Variants in CAMK2D observed in about 807,000 individuals in gnomAD.
The protein encoded by CAMK2D is calcium/calmodulin-dependent protein kinase type II subunit delta.
A neutral mutation model predicts 84.0 loss-of-function variants in CAMK2D; 37 were observed. The ratio of observed to expected loss-of-function variants is 0.44; its 90% CI spans 0.34 to 0.58. The LOEUF (loss-of-function observed/expected upper bound fraction) is 0.58, where lower values mean the gene tolerates loss of function less well. Ranked by LOEUF, CAMK2D falls within the 20% of genes least tolerant of loss-of-function variation. The pLI, the probability that CAMK2D is intolerant of heterozygous loss-of-function variation, is 0.02. For synonymous variants in CAMK2D, 202 were observed against 212.5 expected (o/e 0.95, Z 0.43); for missense variants, 448 against 652.5 (o/e 0.69, Z 3.41).
At chr4:113,741,124 T>A (rs1225307855) in intron 2 of CAMK2D, among the ~76,000 whole-genome samples, 1 of 152,080 alleles carries the variant, frequency 6.6e-6, no homozygotes, top group Non-Finnish European at 1.5e-5. Flanking sequence ...AACCATTATT[T>A]TACTTAGTAA....
intron 2 of CAMK2D, among the ~76,000 whole-genome samples, chr4:113,663,815 C>T (rs9307396): frequency 0.06 from 9,112 of 151,646 alleles, 805 homozygotes; most frequent in African/African-American, 0.19. Context: ...AGAGTTTTTG[C>T]TATAGAGATA....
chr4:113,756,142 G>A (rs1316009045), intron 2 of CAMK2D, among the ~76,000 whole-genome samples: 1 of 151,942 alleles, frequency 6.6e-6, no homozygotes, highest in Non-Finnish European at 1.5e-5. Context: ...CAGCTGAGAG[G>A]AAATACAACT....
chr4:113,515,593 C>T (rs953699537), intron 9 of CAMK2D, among the ~76,000 whole-genome samples: 1 of 152,116 alleles, frequency 6.6e-6, no homozygotes, highest in Non-Finnish European at 1.5e-5. Flanking sequence ...GCTACATGTA[C>T]CAATGTCATC....
At chr4:113,731,550 C>A (rs184422014) in intron 2 of CAMK2D, among the ~76,000 whole-genome samples, 52 of 149,626 alleles carry the variant, frequency 3.5e-4, no homozygotes, top group Admixed American at 6.0e-4. Context: ...AAAAACACTT[C>A]AAAGTATAAA....
At chr4:113,648,565 C>T (rs1035391560) in intron 3 of CAMK2D, among the ~76,000 whole-genome samples, 2 of 152,138 alleles carry the variant, frequency 1.3e-5, no homozygotes, top group Non-Finnish European at 2.9e-5. Context: ...CACAAGGGAC[C>T]GGTAAGAAGT....
intron 3 of CAMK2D, among the ~76,000 whole-genome samples, chr4:113,640,438 T>C (rs1428732345): frequency 6.6e-6 from 1 of 152,134 alleles, no homozygotes; most frequent in East Asian, 1.9e-4. Context: ...ACTCATATGG[T>C]TTCCTGGGCC....
intron 4 of CAMK2D, among the ~76,000 whole-genome samples, chr4:113,561,791 G>C (rs1190883467): frequency 6.6e-6 from 1 of 152,212 alleles, no homozygotes; most frequent in Admixed American, 6.5e-5. Context: ...TTTGTCAGTA[G>C]CTAAGAAGTG....
rs116200365 is a variant in CAMK2D at position 113,592,055 on chromosome 4, T to G, written c.275+17097A>C. ...TAGTACTTAATAAGTATTCATTGAA[T>G]GAATGTATTATAATAGCAAATCTAT... On this transcript the variant is annotated intron_variant, in intron 4 of 20. Transcript: ENST00000511664. Among the ~76,000 whole-genome samples, 1,046 of 152,312 alleles carry G rather than the reference T, an allele frequency of 6.9e-3. 13 individuals carry two copies. Among genetic ancestry groups the G allele is most frequent in the African/African-American group, 0.024 (977 of 41,548 alleles).
At chr4:113,544,211 C>A (rs888013478) in intron 6 of CAMK2D, among the ~76,000 whole-genome samples, 1 of 152,124 alleles carries the variant, frequency 6.6e-6, no homozygotes, top group Non-Finnish European at 1.5e-5. Flanking sequence ...GATTGTACTG[C>A]CCCCTACTCT....
chr4:113,584,653 C>T (rs1006929346), intron 4 of CAMK2D, among the ~76,000 whole-genome samples: 8 of 152,032 alleles, frequency 5.3e-5, no homozygotes, highest in African/African-American at 1.9e-4. Flanking sequence ...TTACAAATTC[C>T]AGAGAAGGGG....
At chr4:113,684,452 G>C (rs143893445) in intron 2 of CAMK2D, among the ~76,000 whole-genome samples, 1 of 152,148 alleles carries the variant, frequency 6.6e-6, no homozygotes, top group Non-Finnish European at 1.5e-5. Context: ...TGTATGTACT[G>C]TATGTATAAT....
chr4:113,553,503 T>G (rs1185399797), intron 4 of CAMK2D, among the ~76,000 whole-genome samples: 2 of 152,218 alleles, frequency 1.3e-5, no homozygotes, highest in African/African-American at 4.8e-5. Context: ...GGATAGCATG[T>G]TTTAGAGATC....
At chr4:113,637,696 T>C (rs990587837) in intron 3 of CAMK2D, among the ~76,000 whole-genome samples, 2 of 152,152 alleles carry the variant, frequency 1.3e-5, no homozygotes, top group African/African-American at 2.4e-5. Context: ...TAAACTTGGA[T>C]GTAAATTTCT....
At chr4:113,709,279 C>A (rs2154353396) in intron 2 of CAMK2D, among the ~76,000 whole-genome samples, 1 of 151,882 alleles carries the variant, frequency 6.6e-6, no homozygotes, top group East Asian at 1.9e-4. Context: ...AAATGTTTTT[C>A]TCAATTCCAG....
chr4:113,703,412 C>T (rs1464829718), intron 2 of CAMK2D, among the ~76,000 whole-genome samples: 1 of 152,182 alleles, frequency 6.6e-6, no homozygotes, highest in Non-Finnish European at 1.5e-5. Context: ...GAAGCTTTGA[C>T]TGGCCCAAAC....
At chr4:113,738,649 A>G (rs1438354940) in intron 2 of CAMK2D, among the ~76,000 whole-genome samples, 2 of 152,146 alleles carry the variant, frequency 1.3e-5, no homozygotes, top group African/African-American at 2.4e-5. Flanking sequence ...ATATATGTAT[A>G]TATCTCCATA....
intron 2 of CAMK2D, among the ~76,000 whole-genome samples, chr4:113,675,661 A>C (rs1049061115): frequency 6.6e-6 from 1 of 152,220 alleles, no homozygotes; most frequent in Non-Finnish European, 1.5e-5. Flanking sequence ...GAAAAAAAAA[A>C]CATGCGACTA....
At chr4:113,679,444 G>A in intron 2 of CAMK2D, 2 of 979,672 alleles carry the variant, frequency 2.0e-6, no homozygotes, top group Non-Finnish European at 2.4e-6. Flanking sequence ...TTCTTCCCTA[G>A]ATGTCCATCA....
intron 4 of CAMK2D, among the ~76,000 whole-genome samples, chr4:113,591,434 C>T (rs576232105): frequency 8.5e-5 from 13 of 152,292 alleles, no homozygotes; most frequent in African/African-American, 2.6e-4. Context: ...CCTTTAATTA[C>T]TCTCTAAACT....
Sources: gnomAD v4.1 joint callset for allele counts (sites outside exome capture counted in the v4.1 genomes callset) on GRCh38, gnomAD v4.1.1 for gene constraint, MANE v1.5 for transcripts, NCBI Gene and HGNC (gene_info 2026-07-23, HGNC 2026-07-21) for gene names.